Variants in PDE1A observed in about 807,000 individuals in gnomAD.
The protein encoded by PDE1A is dual specificity calcium/calmodulin-dependent 3',5'-cyclic nucleotide phosphodiesterase 1A.
In PDE1A, 35 loss-of-function variants were observed where a neutral mutation model predicts 61.7. The ratio of observed to expected loss-of-function variants is 0.57; its 90% CI spans 0.43 to 0.75. The LOEUF is 0.75. PDE1A is among the 30% of genes least tolerant of loss of function. The pLI is 0.00. For synonymous variants in PDE1A, 232 were observed against 213.2 expected, an observed-to-expected ratio of 1.09 and a Z score of -0.77; for missense variants, 597 against 630.6, an observed-to-expected ratio of 0.95 and a Z score of 0.57.
chr2:182,708,527 G>A, the PDE1A span, among the ~76,000 whole-genome samples: 3 of 152,160 alleles, frequency 2.0e-5, no homozygotes, highest in African/African-American at 4.8e-5. Flanking sequence ...AAGGAAGGAG[G>A]TTTAATTGAC....
intron 3 of PDE1A, among the ~76,000 whole-genome samples, chr2:182,235,465 G>A (rs1175534314): frequency 6.6e-6 from 1 of 152,130 alleles, no homozygotes; most frequent in African/African-American, 2.4e-5. Flanking sequence ...TTAATAATCA[G>A]TGATTTGATT....
the PDE1A span, among the ~76,000 whole-genome samples, chr2:182,595,206 G>A: frequency 1.3e-5 from 2 of 152,050 alleles, no homozygotes; most frequent in Non-Finnish European, 2.9e-5. Context: ...CTGCAATTGA[G>A]GAAGAAAATG....
chr2:182,417,689 C>T (rs1020707643), intron 1 of PDE1A, among the ~76,000 whole-genome samples: 5 of 152,072 alleles, frequency 3.3e-5, no homozygotes, highest in Non-Finnish European at 7.4e-5. Flanking sequence ...AAATGTTTTA[C>T]AAATTATTTT....
At chr2:182,555,150 T>C in the PDE1A span, among the ~76,000 whole-genome samples, 3 of 152,224 alleles carry the variant, frequency 2.0e-5, no homozygotes, top group Non-Finnish European at 4.4e-5. Flanking sequence ...AAACATTCCC[T>C]GACTTCAGAG....
intron 1 of PDE1A, among the ~76,000 whole-genome samples, chr2:182,270,971 C>T (rs189457631): frequency 5.9e-5 from 9 of 151,684 alleles, no homozygotes; most frequent in Non-Finnish European, 1.0e-4. Flanking sequence ...AAGACTTTTC[C>T]AGTATTTTTT....
At chr2:182,319,364 C>A (rs1301326430) in intron 1 of PDE1A, among the ~76,000 whole-genome samples, 1 of 152,000 alleles carries the variant, frequency 6.6e-6, no homozygotes, top group African/African-American at 2.4e-5. Context: ...TTTTTAAAAT[C>A]TAAATCCCTG....
At chr2:182,455,006 A>G (rs1399790580) in intron 2 of PDE1A, among the ~76,000 whole-genome samples, 1 of 151,988 alleles carries the variant, frequency 6.6e-6, no homozygotes, top group East Asian at 1.9e-4. Flanking sequence ...CAACCTACTC[A>G]TCTGACAAAG....
At chr2:182,428,331 C>T (rs910222962), upstream of PDE1A, among the ~76,000 whole-genome samples, 2 of 152,036 alleles carry the variant, frequency 1.3e-5, no homozygotes, top group African/African-American at 2.4e-5. Flanking sequence ...ATCTGATTCG[C>T]CTGCTTCTTG....
intron 3 of PDE1A, among the ~76,000 whole-genome samples, chr2:182,235,377 C>T (rs545818280): frequency 9.5e-4 from 144 of 152,292 alleles, no homozygotes; most frequent in Admixed American, 2.5e-3. Context: ...CTCCTAACCT[C>T]GTGATCCGCC....
chr2:182,393,169 C>CT (rs1701515118), intron 1 of PDE1A, among the ~76,000 whole-genome samples: 1 of 152,256 alleles, frequency 6.6e-6, no homozygotes, highest in African/African-American at 2.4e-5. Context: ...CATACATCCT[C>CT]TGAAATCTAG....
intron 2 of PDE1A, among the ~76,000 whole-genome samples, chr2:182,499,170 C>CTTGTTTTTTTTTTT (rs1688925397): frequency 7.4e-5 from 4 of 53,740 alleles, no homozygotes; most frequent in African/African-American, 2.8e-4. Context: ...TTCTCTTTTT[C>CTTGTTTTTTTTTTT]TTGTTTTTTT....
intron 1 of PDE1A, among the ~76,000 whole-genome samples, chr2:182,372,079 G>A (rs1700153695): frequency 6.6e-6 from 1 of 152,198 alleles, no homozygotes; most frequent in South Asian, 2.1e-4. Flanking sequence ...GGGCCACCAT[G>A]CCTGGCCAAC....
the PDE1A span, among the ~76,000 whole-genome samples, chr2:182,612,820 A>G: frequency 6.6e-6 from 1 of 152,238 alleles, no homozygotes; most frequent in Admixed American, 6.5e-5. Flanking sequence ...AAACGAGATT[A>G]TTTTATAAAC....
chr2:182,689,734 C>A, the PDE1A span, among the ~76,000 whole-genome samples: 4 of 152,094 alleles, frequency 2.6e-5, no homozygotes, highest in Admixed American at 6.5e-5. Context: ...ATCAATGAAT[C>A]CAGTAGCTGG....
intron 1 of PDE1A, among the ~76,000 whole-genome samples, chr2:182,317,904 C>G (rs113411699): frequency 0.015 from 2,357 of 152,202 alleles, 34 homozygotes; most frequent in South Asian, 0.061. Flanking sequence ...ATGCCTGACA[C>G]TTTAAATACT....
intron 2 of PDE1A, among the ~76,000 whole-genome samples, chr2:182,517,300 G>A (rs1690266068): frequency 6.6e-6 from 1 of 152,082 alleles, no homozygotes; most frequent in South Asian, 2.1e-4. Flanking sequence ...CTAACAATAT[G>A]ATGATAAAGA....
intron 2 of PDE1A, among the ~76,000 whole-genome samples, chr2:182,443,368 A>C (rs1574667693): frequency 6.6e-6 from 1 of 152,084 alleles, no homozygotes; most frequent in East Asian, 1.9e-4. Flanking sequence ...TCTGGCTATG[A>C]TATGGTTTGG....
chr2:182,471,540 T>C (rs1453984180), intron 2 of PDE1A, among the ~76,000 whole-genome samples: 1 of 151,796 alleles, frequency 6.6e-6, no homozygotes, highest in Non-Finnish European at 1.5e-5. Flanking sequence ...TTCTCCAAGA[T>C]ATACCAACCC....
intron 1 of PDE1A, among the ~76,000 whole-genome samples, chr2:182,386,411 C>T (rs1174724187): frequency 6.6e-6 from 1 of 151,850 alleles, no homozygotes; most frequent in East Asian, 1.9e-4. Context: ...AGTGTCTCTG[C>T]CCGGCTGCCC....
Sources: allele counts gnomAD v4.1 joint callset (sites outside exome capture counted in the v4.1 genomes callset), GRCh38; gene constraint gnomAD v4.1.1; transcripts MANE v1.5; gene names NCBI Gene and HGNC (gene_info 2026-07-23, HGNC 2026-07-21).